Variants in NOC3L observed in about 807,000 individuals in gnomAD.
The protein encoded by NOC3L is NOC3 like DNA replication regulator.
Under a neutral mutation model 102.5 loss-of-function variants are expected in NOC3L, and 85 were observed. The ratio of observed to expected loss-of-function variants is 0.83; its 90% CI spans 0.70 to 0.99. The LOEUF (loss-of-function observed/expected upper bound fraction) is 0.99, where lower values mean the gene tolerates loss of function less well. NOC3L is among the 50% of genes least tolerant of loss of function. The pLI, the probability that NOC3L is intolerant of heterozygous loss-of-function variation, is 0.00. For synonymous variants in NOC3L, 303 were observed against 309.4 expected (o/e 0.98, Z 0.22); for missense variants, 878 against 914.9 (o/e 0.96, Z 0.52).
chr10:94,351,836 T>C (rs533917481), intron 8 of NOC3L, among the ~76,000 whole-genome samples: 158 of 152,224 alleles, frequency 1.0e-3, no homozygotes, highest in African/African-American at 3.3e-3. Flanking sequence ...CCTCTAGTTA[T>C]CCTTCTTCCC....
chr10:94,360,936 CAGG>C (rs1374130143), intron 2 of NOC3L, among the ~76,000 whole-genome samples: 10 of 152,084 alleles, frequency 6.6e-5, no homozygotes, highest in African/African-American at 2.2e-4. Context: ...TGCCTGAGCC[CAGG>C]AGGTCAAGGC....
intron 2 of NOC3L, among the ~76,000 whole-genome samples, chr10:94,359,809 C>A (rs1261028509): frequency 6.6e-6 from 1 of 152,004 alleles, no homozygotes; most frequent in East Asian, 1.9e-4. Context: ...ATTAGCACAA[C>A]CACTATGGAG....
In NOC3L at chr10:94,350,104, G is replaced by C. The variant is rs1231290068; in HGVS notation, c.1128+9C>G. ...AGGAGGACAGCAATAACCATTTACAGCAACTCACCAATTTTGACATGTCAT... is the reference window on the plus strand; with the variant it reads ...AGGAGGACAGCAATAACCATTTACACCAACTCACCAATTTTGACATGTCAT... On this transcript the variant is annotated intron_variant, in intron 9 of 20. Transcript: ENST00000371361. 6.2e-7 allele frequency: 1 copy of C among 1,613,450 alleles called. No homozygotes were observed. Among genetic ancestry groups the C allele is most frequent in the Non-Finnish European group, 8.5e-7 (1 of 1,179,644 alleles).
chr10:94,323,418 C>G, the NOC3L span, among the ~76,000 whole-genome samples: 1 of 152,194 alleles, frequency 6.6e-6, no homozygotes, highest in African/African-American at 2.4e-5. Flanking sequence ...TAGTAGTGTG[C>G]TGGTAAACCA....
chr10:94,347,141 A>G (rs887578620), intron 10 of NOC3L, among the ~76,000 whole-genome samples: 5 of 152,180 alleles, frequency 3.3e-5, no homozygotes, highest in Non-Finnish European at 5.9e-5. Context: ...CTTTCTCTGG[A>G]TGAAATCACC....
intron 14 of NOC3L, among the ~76,000 whole-genome samples, chr10:94,340,717 C>G (rs889978456): frequency 6.6e-6 from 1 of 151,926 alleles, no homozygotes; most frequent in Admixed American, 6.5e-5. Flanking sequence ...CGCGGTGGCT[C>G]ACGCCTGCAA....
intron 13 of NOC3L, 35 bp from the exon 14 acceptor site, chr10:94,341,780 A>G (rs143702133): frequency 2.7e-5 from 34 of 1,246,328 alleles, no homozygotes; most frequent in African/African-American, 1.4e-4. Context: ...CAGTGAACTA[A>G]AAGCAGAAAT....
chr10:94,340,296 G>A lies in NOC3L; in HGVS notation c.1760C>T (p.Thr587Ile), dbSNP rs770446093. The A allele has an allele frequency of 1.9e-6, 3 of 1,611,868 alleles. No individual in the cohort carries two copies. The highest frequency in any genetic ancestry group is 2.7e-5 in the African/African-American group (2 of 74,850). Residue 587 changes from threonine (T) to isoleucine (I), a missense_variant, in exon 16 of 21, where the codon ACA (threonine) becomes ATA (isoleucine). Thr to Ile is a moderately conservative substitution (Grantham distance 89). Transcript: ENST00000371361. ...PLKFYTHLYK[T>I]LFKLHAGATN... ...CATACCTGCATGTAATTTGAACAGT[G>A]TTTTGTAGAGATGTGTGTAGAATTT...
intron 10 of NOC3L, among the ~76,000 whole-genome samples, chr10:94,348,802 T>C (rs933901466): frequency 1.3e-5 from 2 of 152,076 alleles, no homozygotes; most frequent in Non-Finnish European, 2.9e-5. Context: ...ATTCACAGAA[T>C]ATTCACACAA....
At chr10:94,320,663 G>A in the NOC3L span, among the ~76,000 whole-genome samples, 4 of 152,320 alleles carry the variant, frequency 2.6e-5, no homozygotes, top group Admixed American at 6.5e-5. Context: ...TTGCTGAGAT[G>A]AGGTTGTCTA....
rs567802743 is a variant in NOC3L, at chr10:94,360,034, G to A, written c.217+1631C>T. On this transcript the variant is annotated intron_variant, in intron 2 of 20. Coordinates refer to ENST00000371361, the MANE Select transcript of NOC3L (RefSeq NM_022451.11). ...ACAGATGAATGGATAAAGAAAATAC[G>A]GGGCCAGGCGCGGTGGCTCACGCCT... Among the ~76,000 whole-genome samples, 6 of 152,064 alleles carry A rather than the reference G, an allele frequency of 3.9e-5. No homozygotes were observed. In the East Asian group the frequency reaches 7.8e-4, roughly 20 times the overall value.
chr10:94,353,912 G>C (rs764907630), intron 6 of NOC3L, among the ~76,000 whole-genome samples: 1 of 152,068 alleles, frequency 6.6e-6, no homozygotes, highest in Non-Finnish European at 1.5e-5. Context: ...TGATGGTTTC[G>C]ACTGCTTTGA....
At chr10:94,327,668 GTAGT>G in the NOC3L span, among the ~76,000 whole-genome samples, 1 of 152,172 alleles carries the variant, frequency 6.6e-6, no homozygotes, top group South Asian at 2.1e-4. Flanking sequence ...ATCTGAAGTA[GTAGT>G]TAGCTGAAGG....
intron 2 of NOC3L, among the ~76,000 whole-genome samples, chr10:94,360,582 G>C (rs1370090717): frequency 1.3e-5 from 2 of 152,032 alleles, no homozygotes; most frequent in Non-Finnish European, 2.9e-5. Flanking sequence ...GGAGGAGATA[G>C]GAGTAGGGAT....
Position 94,350,294 on chromosome 10 carries a change from C to A in NOC3L, c.953-6G>T, listed in dbSNP as rs750270445. Reference sequence around the variant, plus strand: ...CAGCTTCCTCTGCTTCCAATCTAATCAAAAGATAACTGTAGTTACTTTACT... The same window carrying A: ...CAGCTTCCTCTGCTTCCAATCTAATAAAAAGATAACTGTAGTTACTTTACT... On this transcript the variant is annotated splice_polypyrimidine_tract_variant and splice_region_variant and intron_variant, in intron 8 of 20. Transcript: ENST00000371361. The A allele has an allele frequency of 1.9e-6, 3 of 1,613,054 alleles. No homozygotes were observed. The highest frequency in any genetic ancestry group is 2.5e-6 in the Non-Finnish European group (3 of 1,179,166).
downstream of NOC3L, chr10:94,329,778 A>G (rs1465260419): frequency 3.5e-5 from 2 of 57,200 alleles, no homozygotes; most frequent in Admixed American, 3.1e-4. Flanking sequence ...CTCCGTCTCA[A>G]AAAAAAAAAA....
Position 94,349,245 on chromosome 10 carries a change from C to T in NOC3L, c.1257+5G>A. 6.5e-7 allele frequency: 1 copy of T among 1,549,392 alleles called. No individual in the cohort carries two copies. Among genetic ancestry groups the T allele is most frequent in the Non-Finnish European group, 8.6e-7 (1 of 1,159,086 alleles). ...AAAATGCAAAGTAAAAAAAAAAAGG[C>T]TCACCTCTGGCCTAACTTCGTAATT... On this transcript the variant is annotated splice_donor_5th_base_variant and intron_variant, in intron 10 of 20. Coordinates refer to ENST00000371361, the MANE Select transcript of NOC3L (RefSeq NM_022451.11).
chr10:94,321,438 C>T, the NOC3L span, among the ~76,000 whole-genome samples: 1 of 152,180 alleles, frequency 6.6e-6, no homozygotes, highest in Non-Finnish European at 1.5e-5. Context: ...TCAAGACCAG[C>T]CTGGCCAGCA....
chr10:94,337,647 C>G, intron 19 of NOC3L, 130 bp downstream of exon 19: 1 of 592,428 alleles, frequency 1.7e-6, no homozygotes, highest in South Asian at 2.4e-5. Context: ...GAATATGAAG[C>G]AAGACCAATC....
Sources: allele counts gnomAD v4.1 joint callset (sites outside exome capture counted in the v4.1 genomes callset), GRCh38; gene constraint gnomAD v4.1.1; transcripts MANE v1.5; gene names NCBI Gene and HGNC (gene_info 2026-07-23, HGNC 2026-07-21).